The following LIPN variants were observed in gnomAD, a reference collection of about 807,000 sequenced individuals.
LIPN encodes the protein lipase member N.
In LIPN, 32 loss-of-function variants were observed where a neutral mutation model predicts 43.7. That is an observed-to-expected ratio of 0.73 (90% CI 0.55 to 0.98). The LOEUF (loss-of-function observed/expected upper bound fraction) is 0.98, where lower values mean the gene tolerates loss of function less well. LIPN is among the 50% of genes least tolerant of loss of function. The pLI is 0.00. For synonymous variants in LIPN, 156 were observed against 157.6 expected (o/e 0.99, Z 0.08); for missense variants, 505 against 483.8 (o/e 1.04, Z -0.41).
intron 4 of LIPN, 61 bp downstream of exon 4, chr10:88,764,669 G>C: frequency 3.4e-6 from 4 of 1,190,658 alleles, no homozygotes; most frequent in African/African-American, 1.5e-5. Context: ...AAAATAACGT[G>C]GACGCTATTA....
chr10:88,757,709 C>T (rs1406853832), upstream of LIPN, among the ~76,000 whole-genome samples: 1 of 152,116 alleles, frequency 6.6e-6, no homozygotes. Context: ...TAATTATGAA[C>T]ATTCCCAACT....
intron 7 of LIPN, among the ~76,000 whole-genome samples, chr10:88,773,920 T>A (rs1201538253): frequency 2.6e-5 from 4 of 151,988 alleles, no homozygotes; most frequent in Non-Finnish European, 4.4e-5. Flanking sequence ...TTGGAAAAAA[T>A]TGGCTTTTAG....
Position 88,766,297 on chromosome 10 carries a change from C to A in LIPN, c.454C>A (p.Pro152Thr). The A allele has an allele frequency of 6.2e-7, 1 of 1,606,784 alleles. No homozygotes were observed. The highest frequency in any genetic ancestry group is 8.5e-7 in the Non-Finnish European group (1 of 1,174,482). Reference sequence around the variant, plus strand: ...TGATGAAATGGCCAAATATGATCTCCCAGGAGTAATAGACTTCATTGTAAA... The same window carrying A: ...TGATGAAATGGCCAAATATGATCTCACAGGAGTAATAGACTTCATTGTAAA... ...SFDEMAKYDL[P>T]GVIDFIVNKT... is the part of the protein sequence containing the mutation. The change falls in exon 5 of 10, where the codon CCA (proline) becomes ACA (threonine). Residue 152 changes from proline (P) to threonine (T), a missense_variant. By Grantham distance (38) the Pro-to-Thr change is conservative. Transcript: ENST00000404459.
Position 88,761,393 on chromosome 10 carries a change from GC to G in LIPN, c.-8-3del. The G allele has an allele frequency of 6.6e-7, 1 of 1,509,948 alleles. No individual in the cohort carries two copies. The highest frequency in any genetic ancestry group is 1.7e-5 in the Admixed American group (1 of 59,658). The allele number at this position is 1,509,948 out of a possible 1,614,324, so 93.5% of individuals were successfully genotyped here. A position where few individuals can be genotyped will look rare whatever the true frequency, so the allele number is the denominator to read the frequency against. ...AATCTGTGAATATTAAATGTTTTAT[GC>G]CAGGCATTTCTATGATGTGGCTGCT... is the stretch of plus-strand genomic sequence containing the variant. On this transcript the variant is annotated splice_region_variant and splice_polypyrimidine_tract_variant and intron_variant, in intron 1 of 9. Coordinates refer to ENST00000404459, the MANE Select transcript of LIPN (RefSeq NM_001102469.2).
At chr10:88,767,660 A>G (rs1414088234) in intron 5 of LIPN, among the ~76,000 whole-genome samples, 1 of 36,442 alleles carries the variant, frequency 2.7e-5, no homozygotes, top group Non-Finnish European at 4.8e-5. Context: ...AAAAAAAAAA[A>G]AAAAAAAAAA....
Position 88,760,046 on chromosome 10 carries a change from A to T in LIPN, c.-69A>T, listed in dbSNP as rs74991134. Among the ~76,000 whole-genome samples, 168 of 152,178 alleles carry T rather than the reference A, an allele frequency of 1.1e-3. 3 individuals carry two copies. The East Asian group carries it at 0.03, about 27-fold the overall frequency. ...CTCTTCAGCCTGATGTCAAAAGCAA[A>T]AGTTCAGAAGTTCCTCATCAATAAG... On this transcript the variant is annotated 5_prime_UTR_variant, in exon 1 of 10. Transcript: ENST00000404459.
Position 88,761,400 on chromosome 10 carries a change from A to G in LIPN, c.-6A>G, listed in dbSNP as rs377525640. 2 of 1,578,466 alleles carry G rather than the reference A, an allele frequency of 1.3e-6. No individual in the cohort carries two copies. Among genetic ancestry groups the G allele is most frequent in the Non-Finnish European group, 1.7e-6 (2 of 1,148,346 alleles). ...GAATATTAAATGTTTTATGCCAGGC[A>G]TTTCTATGATGTGGCTGCTTTTAAC... On this transcript the variant is annotated splice_region_variant and 5_prime_UTR_variant, in exon 2 of 10. Coordinates refer to ENST00000404459, the MANE Select transcript of LIPN (RefSeq NM_001102469.2).
At chr10:88,759,876 A>G (rs893761537), upstream of LIPN, among the ~76,000 whole-genome samples, 4 of 152,042 alleles carry the variant, frequency 2.6e-5, no homozygotes, top group Non-Finnish European at 4.4e-5. Flanking sequence ...GTAGACCACT[A>G]TTTCCCAACC....
At position 88,778,079 on chromosome 10, in the gene LIPN, T is replaced by C. The variant is rs1279805167; in HGVS notation, c.1034T>C (p.Val345Ala). 3.7e-6 allele frequency: 6 copies of C among 1,613,680 alleles called. No individual in the cohort carries two copies. The highest frequency in any genetic ancestry group is 5.1e-6 in the Non-Finnish European group (6 of 1,179,696). ...PTAIWAGGHDVLVTPQDVARI... is the reference protein window; with the variant it reads ...PTAIWAGGHDALVTPQDVARI... ...GCTATTTGGGCTGGTGGACATGATG[T>C]CCTCGTAACACCCCAGGATGTGGCC... The change falls in exon 10 of 10, where the codon GTC (valine) becomes GCC (alanine). Residue 345 changes from valine to alanine, a missense_variant. Physicochemically the swap from Val to Ala is moderately conservative, Grantham distance 64. Transcript: ENST00000404459.
chr10:88,761,896 C>A (rs1843007679), intron 2 of LIPN, among the ~76,000 whole-genome samples: 1 of 151,868 alleles, frequency 6.6e-6, no homozygotes. Flanking sequence ...AGTTCTATTA[C>A]TTTTAAAGCA....
chr10:88,764,752 C>A, intron 4 of LIPN, 144 bp downstream of exon 4: 1 of 543,672 alleles, frequency 1.8e-6, no homozygotes, highest in Non-Finnish European at 3.1e-6. Context: ...AGGGTAACAG[C>A]AAGAAGCTCT....
intron 8 of LIPN, among the ~76,000 whole-genome samples, chr10:88,774,873 A>C (rs1843270453): frequency 6.6e-6 from 1 of 151,876 alleles, no homozygotes; most frequent in Non-Finnish European, 1.5e-5. Flanking sequence ...CTTTCTAATG[A>C]GGCTTGGTTT....
At chr10:88,774,923 A>T (rs1344526150) in intron 8 of LIPN, among the ~76,000 whole-genome samples, 169 bp from the exon 9 acceptor site, 1 of 151,694 alleles carries the variant, frequency 6.6e-6, no homozygotes, top group African/African-American at 2.4e-5. Context: ...GGTATTGCTC[A>T]TCTTTCTGTT....
Position 88,767,138 on chromosome 10 carries a change from G to A in LIPN, c.535+760G>A, listed in dbSNP as rs1487796508. ...AATTTGTCATTGAACTTCCACTAAA[G>A]TTTCCAATTTTAAGAGAATAAATCA... On this transcript the variant is annotated intron_variant, in intron 5 of 9. Coordinates refer to ENST00000404459, the MANE Select transcript of LIPN (RefSeq NM_001102469.2). 2.0e-5 allele frequency among the ~76,000 whole-genome samples: 3 copies of A among 151,828 alleles called. No homozygotes were observed. The East Asian group carries it at 5.8e-4, about 29-fold the overall frequency.
At position 88,779,152 on chromosome 10, in the gene LIPN, G is replaced by A. The variant is rs549560208; in HGVS notation, c.*910G>A. 4.6e-5 allele frequency among the ~76,000 whole-genome samples: 7 copies of A among 152,186 alleles called. No homozygotes were observed. The highest frequency in any genetic ancestry group is 2.1e-4 in the South Asian group (1 of 4,834). ...TTTACCTAATGGAAACCTGATTGCC[G>A]CATTTTTGTAACCACCACTTTGGCT... On this transcript the variant is annotated 3_prime_UTR_variant, in exon 10 of 10. Transcript: ENST00000404459.
intron 3 of LIPN, 85 bp from the exon 4 acceptor site, chr10:88,764,325 G>A (rs1350479675): frequency 2.0e-6 from 2 of 1,021,022 alleles, no homozygotes; most frequent in East Asian, 4.9e-5. Flanking sequence ...TTTCCGACAT[G>A]CTCTATTTAA....
intron 5 of LIPN, among the ~76,000 whole-genome samples, chr10:88,768,057 C>CCAGTGGAGGCCCAGGAAGGG (rs760343716): frequency 3.6e-4 from 48 of 131,864 alleles, no homozygotes; most frequent in Non-Finnish European, 9.8e-5. Flanking sequence ...CACACACACA[C>CCAGTGGAGGCCCAGGAAGGG]ACACATGCCA....
chr10:88,765,793 A>T (rs886957395), intron 4 of LIPN, among the ~76,000 whole-genome samples: 5 of 150,670 alleles, frequency 3.3e-5, no homozygotes, highest in Middle Eastern at 3.4e-3. Flanking sequence ...TACCCTGTTT[A>T]TTTCCCAAAT....
rs1406250216 is a variant in LIPN at position 88,779,217 on chromosome 10, T to G, written c.*975T>G. On this transcript the variant is annotated 3_prime_UTR_variant, in exon 10 of 10. Coordinates refer to ENST00000404459, the MANE Select transcript of LIPN (RefSeq NM_001102469.2). ...GGATTAGAAGATGCCAACAAAAGATTCTGAGCAAGACTGTAAATCTGATCA... is the reference window on the plus strand; with the variant it reads ...GGATTAGAAGATGCCAACAAAAGATGCTGAGCAAGACTGTAAATCTGATCA... 6.6e-6 allele frequency among the ~76,000 whole-genome samples: 1 copy of G among 152,180 alleles called. No individual in the cohort carries two copies. The highest frequency in any genetic ancestry group is 2.4e-5 in the African/African-American group (1 of 41,446).
Sources: allele counts gnomAD v4.1 joint callset (sites outside exome capture counted in the v4.1 genomes callset), GRCh38; gene constraint gnomAD v4.1.1; transcripts MANE v1.5; gene names NCBI Gene and HGNC (gene_info 2026-07-23, HGNC 2026-07-21).